KCNQ3: variants seen among roughly 807,000 people sequenced by gnomAD.
KCNQ3 encodes the protein potassium voltage-gated channel subfamily Q member 3, also known as potassium voltage-gated channel subfamily KQT member 3.
In KCNQ3, 30 loss-of-function variants were observed where a neutral mutation model predicts 92.5. That is an observed-to-expected ratio of 0.32 (90% CI 0.24 to 0.44). The LOEUF is 0.44. Ranked by LOEUF, KCNQ3 falls within the 20% of genes least tolerant of loss-of-function variation. KCNQ3 has a pLI of 1.00. For synonymous variants in KCNQ3, 450 were observed against 468.8 expected, an observed-to-expected ratio of 0.96 and a Z score of 0.52; for missense variants, 913 against 1,140.3, an observed-to-expected ratio of 0.80 and a Z score of 2.87.
chr8:132,262,735 C>G (rs1815829815), intron 1 of KCNQ3, among the ~76,000 whole-genome samples: 1 of 151,572 alleles, frequency 6.6e-6, no homozygotes. Context: ...CCCTATGACA[C>G]CATGACACTG....
chr8:132,374,452 C>A (rs1819557619), intron 1 of KCNQ3, among the ~76,000 whole-genome samples: 1 of 152,190 alleles, frequency 6.6e-6, no homozygotes, highest in South Asian at 2.1e-4. Context: ...CCTCCTACTG[C>A]AGGGGCCTTG....
chr8:132,202,739 T>G (rs1827500338), intron 1 of KCNQ3, among the ~76,000 whole-genome samples: 2 of 152,156 alleles, frequency 1.3e-5, no homozygotes, highest in Admixed American at 1.3e-4. Flanking sequence ...TTTTACCACT[T>G]GTATTACAAT....
rs567549459 is a variant in KCNQ3, at chr8:132,258,685, A to C, written c.387-72504T>G. ...AGAAATAAATGAAATAGAGAACAGA[A>C]AAACAACAGAGAAATCAATAAAACC... On this transcript the variant is annotated intron_variant, in intron 1 of 14. Coordinates refer to ENST00000388996, the MANE Select transcript of KCNQ3 (RefSeq NM_004519.4). 1.1e-4 allele frequency among the ~76,000 whole-genome samples: 17 copies of C among 152,216 alleles called. No individual in the cohort carries two copies. The South Asian group carries it at 3.3e-3, about 30-fold the overall frequency.
rs115653812 is a variant in KCNQ3 at position 132,329,272 on chromosome 8, A to T, written c.387-143091T>A. Among the ~76,000 whole-genome samples the T allele has an allele frequency of 2.3e-3, 355 of 152,222 alleles. 1 individual carries two copies. Among genetic ancestry groups the T allele is most frequent in the African/African-American group, 8.3e-3 (343 of 41,538 alleles). On this transcript the variant is annotated intron_variant, in intron 1 of 14. Transcript: ENST00000388996. ...CTTCCTCCTGGGTGAGGCACCCCCA[A>T]GTGCTGTTCAGCCCCCACTCACCTC...
chr8:132,353,916 G>A (rs1381182874), intron 1 of KCNQ3, among the ~76,000 whole-genome samples: 4 of 152,222 alleles, frequency 2.6e-5, no homozygotes, highest in African/African-American at 9.7e-5. Context: ...TAAAACGGCT[G>A]CAGATGAAGG....
Position 132,147,740 on chromosome 8 carries a change from C to T in KCNQ3, c.1263-6409G>A, listed in dbSNP as rs145869483. Among the ~76,000 whole-genome samples the T allele has an allele frequency of 7.9e-5, 12 of 152,250 alleles. 1 individual carries two copies. Among genetic ancestry groups the T allele is most frequent in the South Asian group, 4.2e-4 (2 of 4,816 alleles). ...GACTAGAGTCAAAAAAGAGAGATTTCGAAGAAAGGGTTAATCTGTCTTGCG... is the reference window on the plus strand; with the variant it reads ...GACTAGAGTCAAAAAAGAGAGATTTTGAAGAAAGGGTTAATCTGTCTTGCG... On this transcript the variant is annotated intron_variant, in intron 9 of 14. Transcript: ENST00000388996.
At chr8:132,358,572 T>C (rs1819077796) in intron 1 of KCNQ3, among the ~76,000 whole-genome samples, 1 of 152,240 alleles carries the variant, frequency 6.6e-6, no homozygotes, top group South Asian at 2.1e-4. Context: ...AATATATGCG[T>C]TTGATTCAGA....
chr8:132,413,132 C>T (rs1820696373), intron 1 of KCNQ3, among the ~76,000 whole-genome samples: 1 of 152,222 alleles, frequency 6.6e-6, no homozygotes, highest in Non-Finnish European at 1.5e-5. Flanking sequence ...TCAACCCAAT[C>T]TATATCATGC....
chr8:132,140,561 T>A (rs17574375), intron 10 of KCNQ3: 13,316 of 250,216 alleles, frequency 0.053, 514 homozygotes, highest in Non-Finnish European at 0.072. Context: ...TCAGTCTCTA[T>A]CCTGGTGACC....
chr8:132,437,810 C>T (rs571363444), intron 1 of KCNQ3, among the ~76,000 whole-genome samples: 1 of 152,332 alleles, frequency 6.6e-6, no homozygotes, highest in East Asian at 1.9e-4. Flanking sequence ...AGGATCCTTA[C>T]ACTATAACCA....
chr8:132,213,665 G>C (rs535015244), intron 1 of KCNQ3, among the ~76,000 whole-genome samples: 2 of 152,334 alleles, frequency 1.3e-5, no homozygotes, highest in South Asian at 4.1e-4. Flanking sequence ...AGGATGAGGA[G>C]AGAGACAGCT....
At chr8:132,338,081 A>G (rs1038282011) in intron 1 of KCNQ3, among the ~76,000 whole-genome samples, 2 of 152,156 alleles carry the variant, frequency 1.3e-5, no homozygotes, top group Non-Finnish European at 2.9e-5. Flanking sequence ...GGCTTCTATA[A>G]TTTCCTTTCT....
intron 1 of KCNQ3, among the ~76,000 whole-genome samples, chr8:132,229,717 C>T (rs1166585024): frequency 1.3e-5 from 2 of 151,798 alleles, no homozygotes; most frequent in Non-Finnish European, 2.9e-5. Flanking sequence ...AAGCAGAGGG[C>T]GGTGAGTGGG....
At chr8:132,171,026 A>C (rs1201822714) in intron 7 of KCNQ3, among the ~76,000 whole-genome samples, 1 of 152,046 alleles carries the variant, frequency 6.6e-6, no homozygotes, top group Non-Finnish European at 1.5e-5. Flanking sequence ...TCTCAAAAAA[A>C]AGTAAACAAT....
At chr8:132,458,090 C>A (rs1821983579) in intron 1 of KCNQ3, among the ~76,000 whole-genome samples, 1 of 152,184 alleles carries the variant, frequency 6.6e-6, no homozygotes, top group Non-Finnish European at 1.5e-5. Context: ...GTCCAGGCAT[C>A]CTGACTCCTG....
intron 1 of KCNQ3, among the ~76,000 whole-genome samples, chr8:132,216,152 G>C (rs1814021724): frequency 6.6e-6 from 1 of 152,098 alleles, no homozygotes; most frequent in Non-Finnish European, 1.5e-5. Context: ...AAAATGGAAG[G>C]CTTTACAGAG....
chr8:132,312,188 CTGT>C (rs1357000031), intron 1 of KCNQ3, among the ~76,000 whole-genome samples: 1 of 152,188 alleles, frequency 6.6e-6, no homozygotes. Context: ...GAATACATTT[CTGT>C]TGTTTTAAGT....
chr8:132,479,838 C>T (rs1429386783), intron 1 of KCNQ3, among the ~76,000 whole-genome samples: 1 of 152,062 alleles, frequency 6.6e-6, no homozygotes, highest in Non-Finnish European at 1.5e-5. Flanking sequence ...AAACCAACAC[C>T]CCTAGAAGAT....
At chr8:132,272,168 A>G (rs1375387184) in intron 1 of KCNQ3, among the ~76,000 whole-genome samples, 1 of 152,238 alleles carries the variant, frequency 6.6e-6, no homozygotes, top group Non-Finnish European at 1.5e-5. Flanking sequence ...AAATGGAGAG[A>G]ATAACATGCA....
Sources: gnomAD v4.1 joint callset for allele counts (sites outside exome capture counted in the v4.1 genomes callset) on GRCh38, gnomAD v4.1.1 for gene constraint, MANE v1.5 for transcripts, NCBI Gene and HGNC (gene_info 2026-07-23, HGNC 2026-07-21) for gene names.